PARD3: variants seen among roughly 807,000 people sequenced by gnomAD.
PARD3 encodes the protein par-3 family cell polarity regulator.
PARD3 carries 75 observed loss-of-function variants against 155.4 expected under a neutral mutation model. That is an observed-to-expected ratio of 0.48 (90% confidence interval 0.40 to 0.58). The LOEUF is 0.58. Ranked by LOEUF, PARD3 falls within the 20% of genes least tolerant of loss-of-function variation. PARD3 has a pLI of 0.00. For synonymous variants in PARD3, 576 were observed against 610.5 expected (o/e 0.94, Z 0.83); for missense variants, 1,642 against 1,721.7 (o/e 0.95, Z 0.82).
At chr10:34,661,250 G>A (rs1370393559) in intron 2 of PARD3, among the ~76,000 whole-genome samples, 3 of 152,082 alleles carry the variant, frequency 2.0e-5, no homozygotes, top group Non-Finnish European at 2.9e-5. Context: ...GGAACAAAAC[G>A]ATGCATTTCT....
chr10:34,699,340 A>T (rs1230083161), intron 1 of PARD3, among the ~76,000 whole-genome samples: 1 of 152,232 alleles, frequency 6.6e-6, no homozygotes, highest in South Asian at 2.1e-4. Context: ...AAAAAATAAT[A>T]AATAAAACAT....
At chr10:34,312,393 G>A in intron 20 of PARD3, 1 of 1,612,492 alleles carries the variant, frequency 6.2e-7, no homozygotes, top group South Asian at 1.1e-5. Flanking sequence ...CTAAATGAGA[G>A]ACACGGTACA....
At chr10:34,604,591 TA>T (rs949807349) in intron 2 of PARD3, among the ~76,000 whole-genome samples, 123 of 147,956 alleles carry the variant, frequency 8.3e-4, no homozygotes, top group African/African-American at 2.9e-3. Flanking sequence ...TAAAGATATA[TA>T]AAATATATAT....
intron 2 of PARD3, among the ~76,000 whole-genome samples, chr10:34,683,243 G>A (rs543586115): frequency 1.3e-5 from 2 of 152,170 alleles, no homozygotes; most frequent in South Asian, 4.2e-4. Flanking sequence ...CCAAAAGTGG[G>A]AGGCGGGGAG....
At chr10:34,728,565 T>G (rs80156015) in intron 1 of PARD3, among the ~76,000 whole-genome samples, 5,601 of 152,268 alleles carry the variant, frequency 0.037, 364 homozygotes, top group African/African-American at 0.13. Flanking sequence ...CTGACACACT[T>G]GTGTTTGTCC....
chr10:34,170,114 G>A (rs1014274379), intron 22 of PARD3, among the ~76,000 whole-genome samples: 2 of 152,166 alleles, frequency 1.3e-5, no homozygotes, highest in Non-Finnish European at 2.9e-5. Context: ...TTGAGACAGG[G>A]TCTCACTCTG....
At chr10:34,503,705 G>T (rs1253630589) in intron 3 of PARD3, among the ~76,000 whole-genome samples, 2 of 152,188 alleles carry the variant, frequency 1.3e-5, no homozygotes, top group African/African-American at 4.8e-5. Flanking sequence ...GAGGAGGAGT[G>T]GGAAAGTGAC....
intron 22 of PARD3, among the ~76,000 whole-genome samples, chr10:34,157,757 T>C (rs1949080140): frequency 6.6e-6 from 1 of 152,194 alleles, no homozygotes; most frequent in South Asian, 2.1e-4. Flanking sequence ...AAGCACTTGT[T>C]TTTCATGGTT....
chr10:34,505,397 G>T (rs998550767), intron 3 of PARD3, among the ~76,000 whole-genome samples: 3 of 152,202 alleles, frequency 2.0e-5, no homozygotes, highest in African/African-American at 7.2e-5. Context: ...GAAATCTTTT[G>T]TGTGGGAAAA....
chr10:34,268,643 C>G (rs1002241084), intron 22 of PARD3, among the ~76,000 whole-genome samples: 11 of 152,040 alleles, frequency 7.2e-5, no homozygotes, highest in Admixed American at 1.3e-4. Context: ...ATGGATGAAG[C>G]TGGAAACCAT....
chr10:34,525,861 T>C (rs1657679293), intron 2 of PARD3, among the ~76,000 whole-genome samples: 1 of 151,740 alleles, frequency 6.6e-6, no homozygotes, highest in African/African-American at 2.4e-5. Context: ...GGTAGGTAGA[T>C]CATGAGGTCA....
At chr10:34,778,910 G>C (rs751241163) in intron 1 of PARD3, among the ~76,000 whole-genome samples, 20 of 152,180 alleles carry the variant, frequency 1.3e-4, no homozygotes, top group Non-Finnish European at 2.5e-4. Flanking sequence ...GCAGCTAACT[G>C]AGAAAGCTGT....
At chr10:34,679,443 G>T (rs2093770917) in intron 2 of PARD3, among the ~76,000 whole-genome samples, 1 of 152,154 alleles carries the variant, frequency 6.6e-6, no homozygotes, top group African/African-American at 2.4e-5. Flanking sequence ...TAGACAGAGG[G>T]CTATAGGATA....
At chr10:34,770,992 T>G (rs1485861068) in intron 1 of PARD3, among the ~76,000 whole-genome samples, 1 of 152,072 alleles carries the variant, frequency 6.6e-6, no homozygotes, top group Non-Finnish European at 1.5e-5. Flanking sequence ...AGGGTTGTTC[T>G]GCAACGGAGA....
intron 2 of PARD3, among the ~76,000 whole-genome samples, chr10:34,634,735 T>C (rs2092404835): frequency 6.6e-6 from 1 of 152,238 alleles, no homozygotes; most frequent in Non-Finnish European, 1.5e-5. Context: ...CTAAACTTGG[T>C]GCTTTCAAAT....
At chr10:34,178,095 A>G (rs1950116014) in intron 22 of PARD3, among the ~76,000 whole-genome samples, 1 of 152,228 alleles carries the variant, frequency 6.6e-6, no homozygotes, top group Admixed American at 6.5e-5. Context: ...TGTTTGACAT[A>G]AGTAACCTAA....
At chr10:34,631,485 A>G (rs1482507625) in intron 2 of PARD3, among the ~76,000 whole-genome samples, 2 of 152,096 alleles carry the variant, frequency 1.3e-5, no homozygotes, top group Admixed American at 1.3e-4. Flanking sequence ...AAAGGACCTG[A>G]CCCCACTTCC....
chr10:34,456,620 A>T (rs1935223079), intron 4 of PARD3, among the ~76,000 whole-genome samples: 1 of 152,208 alleles, frequency 6.6e-6, no homozygotes, highest in Non-Finnish European at 1.5e-5. Flanking sequence ...CAACTGAGTT[A>T]AAGTTTTGAA....
At chr10:34,734,285 T>C (rs752588246) in intron 1 of PARD3, among the ~76,000 whole-genome samples, 3 of 143,806 alleles carry the variant, frequency 2.1e-5, no homozygotes, top group Non-Finnish European at 3.1e-5. Flanking sequence ...CAAATTCCCA[T>C]CATTGAAGAT....
Sources: allele counts gnomAD v4.1 joint callset (sites outside exome capture counted in the v4.1 genomes callset), GRCh38; gene constraint gnomAD v4.1.1; transcripts MANE v1.5; gene names NCBI Gene and HGNC (gene_info 2026-07-23, HGNC 2026-07-21).